ACTR3C: variants seen among roughly 807,000 people sequenced by gnomAD.
ACTR3C encodes the protein actin-related protein 3C.
Under a neutral mutation model 26.3 loss-of-function variants are expected in ACTR3C, and 18 were observed. That is an observed-to-expected ratio of 0.68 (90% CI 0.47 to 1.01). The LOEUF (loss-of-function observed/expected upper bound fraction) is 1.01. Among genes scored for constraint, ACTR3C ranks in the 50% least tolerant of loss-of-function variants. The probability of loss-of-function intolerance (pLI) is 0.00; values close to 1 mark genes in which losing one functional copy is unlikely to be tolerated. For synonymous variants in ACTR3C, 55 were observed against 94.5 expected, an observed-to-expected ratio of 0.58 and a Z score of 2.42; for missense variants, 184 against 250.7, an observed-to-expected ratio of 0.73 and a Z score of 1.80.
At chr7:150,195,878 C>CA in the ACTR3C span, among the ~76,000 whole-genome samples, 3,617 of 151,078 alleles carry the variant, frequency 0.024, 54 homozygotes, top group South Asian at 0.039. Flanking sequence ...GACTCTGTCT[C>CA]AAAAAAAAAT....
At chr7:150,067,934 ACTC>A in the ACTR3C span, among the ~76,000 whole-genome samples, 1 of 151,882 alleles carries the variant, frequency 6.6e-6, no homozygotes, top group Admixed American at 6.6e-5. Flanking sequence ...AAAAAAATGA[ACTC>A]CTAGAACAAT....
At chr7:150,196,443 T>C in the ACTR3C span, among the ~76,000 whole-genome samples, 1 of 152,238 alleles carries the variant, frequency 6.6e-6, no homozygotes, top group African/African-American at 2.4e-5. Flanking sequence ...AGCATTTCCA[T>C]TGATTCCTGT....
chr7:150,050,770 C>T, the ACTR3C span, among the ~76,000 whole-genome samples: 2 of 152,054 alleles, frequency 1.3e-5, no homozygotes, highest in Non-Finnish European at 2.9e-5. Context: ...TGGCTATACT[C>T]TTGCAACTTG....
the ACTR3C span, among the ~76,000 whole-genome samples, chr7:149,977,746 C>T: frequency 0.42 from 64,121 of 152,060 alleles, 13,656 homozygotes; most frequent in Middle Eastern, 0.45. Flanking sequence ...ATCACAGCTA[C>T]ATTTCCTAAT....
At chr7:149,936,923 G>A in the ACTR3C span, among the ~76,000 whole-genome samples, 63,834 of 150,140 alleles carry the variant, frequency 0.43, 15,086 homozygotes, top group Non-Finnish European at 0.53. Flanking sequence ...CAAGTAGAGG[G>A]ATACTAAAGG....
At chr7:150,323,257 A>AC (rs1158266694) in intron 1 of ACTR3C, 2 of 237,124 alleles carry the variant, frequency 8.4e-6, no homozygotes, top group Admixed American at 6.2e-5. Context: ...GCGCGCGAAG[A>AC]CCCCCGCAGG....
the ACTR3C span, among the ~76,000 whole-genome samples, chr7:150,029,411 AAAAAAACAAAC>A: frequency 0.032 from 3,163 of 99,610 alleles, 199 homozygotes; most frequent in African/African-American, 0.15. Flanking sequence ...AACAAAAAAA[AAAAAAACAAAC>A]AAAAAAAAAC....
the ACTR3C span, among the ~76,000 whole-genome samples, chr7:150,059,764 A>G: frequency 6.6e-6 from 1 of 152,232 alleles, no homozygotes; most frequent in Admixed American, 6.5e-5. Flanking sequence ...TGGCATCATA[A>G]GAGCCAGTTT....
chr7:150,310,146 G>A (rs1159747444), intron 1 of ACTR3C, among the ~76,000 whole-genome samples: 3 of 152,050 alleles, frequency 2.0e-5, no homozygotes, highest in African/African-American at 7.2e-5. Context: ...TGCTTCCCTG[G>A]TTATTCCTGG....
chr7:150,307,820 CA>C (rs1795925687), intron 1 of ACTR3C, among the ~76,000 whole-genome samples: 1 of 152,214 alleles, frequency 6.6e-6, no homozygotes, highest in African/African-American at 2.4e-5. Flanking sequence ...CCAGCCCAAA[CA>C]AAACACCTCA....
the ACTR3C span, among the ~76,000 whole-genome samples, chr7:149,919,292 G>T: frequency 6.6e-6 from 1 of 151,284 alleles, no homozygotes; most frequent in Non-Finnish European, 1.5e-5. Context: ...CCAGGCTGGA[G>T]TGCAGTATCA....
the ACTR3C span, among the ~76,000 whole-genome samples, chr7:149,882,448 G>A: frequency 5.2e-3 from 787 of 152,280 alleles, 5 homozygotes; most frequent in African/African-American, 0.017. Context: ...CTGGACTGCT[G>A]AGGGCTGGTA....
At chr7:150,107,934 C>T in the ACTR3C span, among the ~76,000 whole-genome samples, 5 of 151,854 alleles carry the variant, frequency 3.3e-5, no homozygotes, top group African/African-American at 7.3e-5. Context: ...CCCATTTGGT[C>T]GTAGTGTCAA....
At chr7:150,024,884 A>G in the ACTR3C span, among the ~76,000 whole-genome samples, 4 of 150,910 alleles carry the variant, frequency 2.7e-5, no homozygotes, top group Admixed American at 6.6e-5. Flanking sequence ...GACAAAAAGG[A>G]ATCAAATCCT....
intron 6 of ACTR3C, among the ~76,000 whole-genome samples, chr7:150,270,590 G>A (rs889257674): frequency 6.6e-6 from 1 of 150,950 alleles, no homozygotes; most frequent in Non-Finnish European, 1.5e-5. Flanking sequence ...CAGGATCCAC[G>A]CACTCAACAC....
chr7:150,154,246 C>A, the ACTR3C span, among the ~76,000 whole-genome samples: 1 of 152,088 alleles, frequency 6.6e-6, no homozygotes, highest in Non-Finnish European at 1.5e-5. Flanking sequence ...AATTTCCTCA[C>A]CAGGCACTCT....
At chr7:150,264,947 G>C (rs1833917324) in intron 6 of ACTR3C, 1 of 861,092 alleles carries the variant, frequency 1.2e-6, no homozygotes, top group Non-Finnish European at 1.4e-6. Context: ...AATCCTTGGA[G>C]TGATACCCGA....
the ACTR3C span, among the ~76,000 whole-genome samples, chr7:149,951,761 C>G: frequency 1.3e-5 from 2 of 151,002 alleles, no homozygotes; most frequent in East Asian, 3.9e-4. Flanking sequence ...TAACCAAATC[C>G]CATTGCAGCA....
the ACTR3C span, among the ~76,000 whole-genome samples, chr7:149,973,833 C>T: frequency 6.9e-6 from 1 of 144,664 alleles, no homozygotes; most frequent in East Asian, 2.0e-4. Context: ...AGGATCTGTC[C>T]CTGGCTGCTG....
Sources: gnomAD v4.1 joint callset for allele counts (sites outside exome capture counted in the v4.1 genomes callset) on GRCh38, gnomAD v4.1.1 for gene constraint, MANE v1.5 for transcripts, NCBI Gene and HGNC (gene_info 2026-07-23, HGNC 2026-07-21) for gene names.